The following POU6F2 variants were observed in gnomAD, a reference collection of about 807,000 sequenced individuals.
POU6F2 encodes POU domain, class 6, transcription factor 2.
In POU6F2, 31 loss-of-function variants were observed where a neutral mutation model predicts 71.3. The ratio of observed to expected loss-of-function variants is 0.43; its 90% CI spans 0.33 to 0.59. The LOEUF is 0.59. POU6F2 is among the 20% of genes least tolerant of loss of function. POU6F2 has a pLI of 0.04. For synonymous variants in POU6F2, 347 were observed against 355.7 expected, an observed-to-expected ratio of 0.98 and a Z score of 0.27; for missense variants, 783 against 856.8, an observed-to-expected ratio of 0.91 and a Z score of 1.07.
intron 4 of POU6F2, among the ~76,000 whole-genome samples, chr7:39,269,887 A>G (rs1469318104): frequency 6.6e-6 from 1 of 152,228 alleles, no homozygotes; most frequent in Non-Finnish European, 1.5e-5. Flanking sequence ...TAAAGTAGAC[A>G]AAATCACACC....
At position 39,330,797 on chromosome 7, in the gene POU6F2, A is replaced by G. The variant is rs114309410; in HGVS notation, c.599-8845A>G. 5.9e-3 allele frequency among the ~76,000 whole-genome samples: 903 copies of G among 152,144 alleles called. 4 individuals carry two copies. Among genetic ancestry groups the G allele is most frequent in the African/African-American group, 0.021 (870 of 41,504 alleles). ...GTATTCATTATTTCGTGCATTTATCATTTTCTCTTCTAGCTACTTTGTAAT... is the reference window on the plus strand; with the variant it reads ...GTATTCATTATTTCGTGCATTTATCGTTTTCTCTTCTAGCTACTTTGTAAT... On this transcript the variant is annotated intron_variant, in intron 4 of 9. Transcript: ENST00000518318.
At chr7:39,450,523 C>G (rs1788633484) in intron 7 of POU6F2, among the ~76,000 whole-genome samples, 1 of 152,148 alleles carries the variant, frequency 6.6e-6, no homozygotes, top group Admixed American at 6.5e-5. Flanking sequence ...GACCTAGAAC[C>G]TGCAAGCATT....
intron 1 of POU6F2, among the ~76,000 whole-genome samples, chr7:39,074,014 G>T (rs1177821483): frequency 6.6e-6 from 1 of 152,158 alleles, no homozygotes; most frequent in African/African-American, 2.4e-5. Context: ...AGGATTTATA[G>T]AGTTTCCTTC....
At chr7:39,220,521 A>G (rs2128748283) in intron 4 of POU6F2, among the ~76,000 whole-genome samples, 1 of 152,294 alleles carries the variant, frequency 6.6e-6, no homozygotes, top group African/African-American at 2.4e-5. Flanking sequence ...GCACCTGGTA[A>G]GAATAAGATC....
At chr7:38,985,787 A>G (rs1331728252) in intron 1 of POU6F2, among the ~76,000 whole-genome samples, 1 of 152,012 alleles carries the variant, frequency 6.6e-6, no homozygotes, top group Non-Finnish European at 1.5e-5. Flanking sequence ...TTCTTGGTGT[A>G]TTTCTAGAAC....
intron 5 of POU6F2, among the ~76,000 whole-genome samples, chr7:39,350,136 C>T (rs1192123904): frequency 6.6e-6 from 1 of 151,958 alleles, no homozygotes; most frequent in Non-Finnish European, 1.5e-5. Flanking sequence ...CAGCCCAGCA[C>T]CTCCACTTAG....
At chr7:39,399,640 G>T (rs1787253263) in intron 5 of POU6F2, among the ~76,000 whole-genome samples, 1 of 152,152 alleles carries the variant, frequency 6.6e-6, no homozygotes, top group African/African-American at 2.4e-5. Flanking sequence ...GATCACTGGA[G>T]CCCAGGAGTT....
chr7:39,450,956 C>T (rs1788646571), intron 7 of POU6F2, among the ~76,000 whole-genome samples: 2 of 152,130 alleles, frequency 1.3e-5, no homozygotes, highest in Non-Finnish European at 2.9e-5. Context: ...TTCTGACTCC[C>T]CATCTTCTCT....
intron 4 of POU6F2, among the ~76,000 whole-genome samples, chr7:39,264,854 G>A (rs1347195213): frequency 6.6e-6 from 1 of 152,038 alleles, no homozygotes; most frequent in Non-Finnish European, 1.5e-5. Flanking sequence ...TATACTCCCT[G>A]CATACCACAA....
At chr7:39,338,055 G>A (rs1226224597) in intron 4 of POU6F2, among the ~76,000 whole-genome samples, 1 of 152,196 alleles carries the variant, frequency 6.6e-6, no homozygotes, top group Non-Finnish European at 1.5e-5. Context: ...TGGTATTTAA[G>A]TCAACCATGG....
intron 6 of POU6F2, among the ~76,000 whole-genome samples, chr7:39,410,458 C>T (rs576009328): frequency 6.6e-6 from 1 of 152,298 alleles, no homozygotes; most frequent in Admixed American, 6.5e-5. Flanking sequence ...ATGACTATGG[C>T]ATTGCTGAGA....
At chr7:39,396,634 G>A (rs148465650) in intron 5 of POU6F2, among the ~76,000 whole-genome samples, 187 of 152,302 alleles carry the variant, frequency 1.2e-3, no homozygotes, top group African/African-American at 4.2e-3. Context: ...ACCTCCAGGA[G>A]CCACAGACCA....
intron 2 of POU6F2, among the ~76,000 whole-genome samples, chr7:39,174,625 C>T (rs891576974): frequency 2.6e-5 from 4 of 152,066 alleles, no homozygotes; most frequent in Non-Finnish European, 5.9e-5. Flanking sequence ...CTTCCTTCAC[C>T]CCATGGCTTG....
intron 5 of POU6F2, among the ~76,000 whole-genome samples, chr7:39,364,766 C>T (rs1786464071): frequency 1.3e-5 from 2 of 152,152 alleles, no homozygotes; most frequent in Admixed American, 1.3e-4. Context: ...GACTTCTTTT[C>T]CTCTGGGTAG....
intron 1 of POU6F2, among the ~76,000 whole-genome samples, chr7:39,015,583 GTT>G (rs1789466320): frequency 1.1e-5 from 1 of 94,768 alleles, no homozygotes; most frequent in Non-Finnish European, 2.0e-5. Flanking sequence ...ATATATCTAT[GTT>G]TTATATAGAT....
At chr7:39,358,204 G>A (rs921713857) in intron 5 of POU6F2, among the ~76,000 whole-genome samples, 1 of 152,008 alleles carries the variant, frequency 6.6e-6, no homozygotes, top group Non-Finnish European at 1.5e-5. Flanking sequence ...TTTTTTAACA[G>A]TAGCTTTTGA....
At chr7:39,242,504 T>A (rs1351434787) in intron 4 of POU6F2, among the ~76,000 whole-genome samples, 1 of 152,138 alleles carries the variant, frequency 6.6e-6, no homozygotes, top group Admixed American at 6.5e-5. Flanking sequence ...TTGTCTACTC[T>A]GTATCTTTTT....
chr7:39,341,834 C>T (rs1239004614), intron 5 of POU6F2, among the ~76,000 whole-genome samples: 1 of 152,084 alleles, frequency 6.6e-6, no homozygotes, highest in African/African-American at 2.4e-5. Flanking sequence ...GAAGACAAGC[C>T]CTGTTGAATG....
chr7:39,107,146 G>GTAC (rs1158124585), intron 2 of POU6F2, among the ~76,000 whole-genome samples: 4 of 150,300 alleles, frequency 2.7e-5, no homozygotes, highest in African/African-American at 9.8e-5. Flanking sequence ...CTGGGCCCAA[G>GTAC]TAATTCTCAC....
Sources: gnomAD v4.1 joint callset for allele counts (sites outside exome capture counted in the v4.1 genomes callset) on GRCh38, gnomAD v4.1.1 for gene constraint, MANE v1.5 for transcripts, NCBI Gene and HGNC (gene_info 2026-07-23, HGNC 2026-07-21) for gene names.